Variants in PKIB observed in about 807,000 individuals in gnomAD.
PKIB encodes cAMP-dependent protein kinase inhibitor beta, also known as PKI-beta.
A neutral mutation model predicts 4.5 loss-of-function variants in PKIB; 2 were observed. That is an observed-to-expected ratio of 0.44 (90% CI 0.18 to 1.39). The LOEUF is 1.39. Among genes scored for constraint, PKIB ranks in the 40% most tolerant of loss-of-function variants. PKIB has a pLI of 0.27. For synonymous variants in PKIB, 38 were observed against 36.0 expected, an observed-to-expected ratio of 1.06 and a Z score of -0.20; for missense variants, 94 against 92.6, an observed-to-expected ratio of 1.02 and a Z score of -0.06.
intron 1 of PKIB, among the ~76,000 whole-genome samples, chr6:122,474,861 T>C (rs1440443474): frequency 6.6e-6 from 1 of 152,132 alleles, no homozygotes; most frequent in Non-Finnish European, 1.5e-5. Context: ...CTGAGAAAAA[T>C]GTAAAGCAGG....
intron 3 of PKIB, among the ~76,000 whole-genome samples, chr6:122,676,022 A>G (rs561944618): frequency 2.6e-5 from 4 of 152,136 alleles, no homozygotes; most frequent in Non-Finnish European, 5.9e-5. Flanking sequence ...ATTCAATCAC[A>G]TTACATTTAT....
chr6:122,571,941 A>C (rs1009385562), intron 2 of PKIB, among the ~76,000 whole-genome samples: 5 of 152,206 alleles, frequency 3.3e-5, no homozygotes. Flanking sequence ...AAGGTACAGA[A>C]TAGCAGAATG....
At chr6:122,579,551 G>T (rs954649071) in intron 2 of PKIB, among the ~76,000 whole-genome samples, 1 of 151,850 alleles carries the variant, frequency 6.6e-6, no homozygotes. Flanking sequence ...CATATTTATG[G>T]CTCTTTAATC....
At chr6:122,577,028 G>A (rs1001672700) in intron 2 of PKIB, among the ~76,000 whole-genome samples, 2 of 152,060 alleles carry the variant, frequency 1.3e-5, no homozygotes, top group African/African-American at 4.8e-5. Flanking sequence ...CACTTACCAT[G>A]TGTCAGGGAC....
Position 122,489,186 on chromosome 6 carries a change from G to C in PKIB, c.-248+11247G>C, listed in dbSNP as rs557195256. ...GAATTAATAGATTTTTTTAAAGAAGGGGGAAAAATAAGAGACTTTTAAAAA... is the reference window on the plus strand; with the variant it reads ...GAATTAATAGATTTTTTTAAAGAAGCGGGAAAAATAAGAGACTTTTAAAAA... On this transcript the variant is annotated intron_variant, in intron 2 of 6. Coordinates refer to the PKIB transcript ENST00000392491. Among the ~76,000 whole-genome samples, 74 of 151,386 alleles carry C rather than the reference G, an allele frequency of 4.9e-4. No individual in the cohort carries two copies. In the Middle Eastern group the frequency reaches 0.01, roughly 21 times the overall value.
chr6:122,679,968 A>G (rs1254183734), intron 3 of PKIB, among the ~76,000 whole-genome samples: 1 of 152,186 alleles, frequency 6.6e-6, no homozygotes, highest in Admixed American at 6.5e-5. Flanking sequence ...ACCAAACCAC[A>G]TGTACCTTCT....
intron 3 of PKIB, among the ~76,000 whole-genome samples, chr6:122,702,008 A>T (rs1341060234): frequency 6.6e-6 from 1 of 152,204 alleles, no homozygotes; most frequent in Non-Finnish European, 1.5e-5. Context: ...TGGATTTCTA[A>T]GAGTGACATG....
At chr6:122,590,751 C>T (rs776542274) in intron 3 of PKIB, among the ~76,000 whole-genome samples, 2 of 151,844 alleles carry the variant, frequency 1.3e-5, no homozygotes, top group Non-Finnish European at 2.9e-5. Context: ...CTAGCATGCC[C>T]AAGAAAAAAG....
chr6:122,614,991 A>T (rs1343358804), intron 1 of PKIB, among the ~76,000 whole-genome samples: 1 of 152,184 alleles, frequency 6.6e-6, no homozygotes, highest in Non-Finnish European at 1.5e-5. Flanking sequence ...AAAGGCCTTG[A>T]AATCTAATGA....
At chr6:122,609,956 A>T (rs1463909450), upstream of PKIB, among the ~76,000 whole-genome samples, 1 of 152,172 alleles carries the variant, frequency 6.6e-6, no homozygotes, top group Admixed American at 6.5e-5. Context: ...AACAGCCAAC[A>T]TTAGATCAAA....
At chr6:122,707,889 T>C (rs1779125604) in intron 3 of PKIB, among the ~76,000 whole-genome samples, 1 of 152,202 alleles carries the variant, frequency 6.6e-6, no homozygotes, top group African/African-American at 2.4e-5. Context: ...AATCTCTTTT[T>C]CCTTCTTTAT....
chr6:122,672,002 A>G (rs1395966139), intron 2 of PKIB, among the ~76,000 whole-genome samples: 1 of 152,228 alleles, frequency 6.6e-6, no homozygotes, highest in African/African-American at 2.4e-5. Context: ...TTTACAACTG[A>G]GGTCAGCTTG....
upstream of PKIB, among the ~76,000 whole-genome samples, chr6:122,607,137 T>C (rs1774564704): frequency 6.6e-6 from 1 of 151,556 alleles, no homozygotes; most frequent in Non-Finnish European, 1.5e-5. Flanking sequence ...AATATTTCAA[T>C]GCAGGGACAG....
rs1164183105 is a variant in PKIB, at chr6:122,726,335, CA to C, written c.*1143del. 6.6e-6 allele frequency: 1 copy of C among 152,018 alleles called. No individual in the cohort carries two copies. The highest frequency in any genetic ancestry group is 2.4e-5 in the African/African-American group (1 of 41,402). The allele number at this position is 152,018 out of a possible 1,614,324, so 9.4% of individuals were successfully genotyped here. A position where few individuals can be genotyped will look rare whatever the true frequency, so the allele number is the denominator to read the frequency against. On this transcript the variant is annotated 3_prime_UTR_variant, in exon 5 of 5. Coordinates refer to ENST00000368452, the MANE Select transcript of PKIB (RefSeq NM_181795.3). The stretch of plus-strand genomic sequence containing the variant: ...TTAGGCTATGTCTGTATACAGTAAC[CA>C]AATAAACTCTTTCACTATTAAAGAG...
At chr6:122,539,408 T>C (rs1777517581) in intron 2 of PKIB, among the ~76,000 whole-genome samples, 1 of 152,064 alleles carries the variant, frequency 6.6e-6, no homozygotes, top group Non-Finnish European at 1.5e-5. Context: ...TTGCATTTTG[T>C]CAAAGGCCTT....
intron 3 of PKIB, among the ~76,000 whole-genome samples, chr6:122,704,189 A>T (rs183195620): frequency 5.3e-4 from 80 of 152,248 alleles, no homozygotes; most frequent in Admixed American, 5.2e-3. Flanking sequence ...CCTTCTCTCT[A>T]TCTTTTTATT....
At chr6:122,687,156 CAG>C (rs1292572201) in intron 3 of PKIB, among the ~76,000 whole-genome samples, 1 of 152,148 alleles carries the variant, frequency 6.6e-6, no homozygotes, top group South Asian at 2.1e-4. Flanking sequence ...TGGCAAGAGA[CAG>C]GGGTCTAGTT....
At chr6:122,693,819 A>G (rs1241311224) in intron 3 of PKIB, among the ~76,000 whole-genome samples, 2 of 152,208 alleles carry the variant, frequency 1.3e-5, no homozygotes, top group African/African-American at 2.4e-5. Context: ...AGTGAACATC[A>G]TATTAAACTG....
At chr6:122,578,257 G>A (rs1485287286) in intron 2 of PKIB, among the ~76,000 whole-genome samples, 4 of 152,152 alleles carry the variant, frequency 2.6e-5, no homozygotes, top group Admixed American at 6.6e-5. Context: ...AAATAAGTTA[G>A]CATCACGTAT....
Sources: gnomAD v4.1 joint callset for allele counts (sites outside exome capture counted in the v4.1 genomes callset) on GRCh38, gnomAD v4.1.1 for gene constraint, MANE v1.5 for transcripts, NCBI Gene and HGNC (gene_info 2026-07-23, HGNC 2026-07-21) for gene names.